KDM4C: variants seen among roughly 807,000 people sequenced by gnomAD.
KDM4C encodes the protein lysine demethylase 4C, also known as lysine-specific demethylase 4C.
In KDM4C, 81 loss-of-function variants were observed where a neutral mutation model predicts 129.3. The ratio of observed to expected loss-of-function variants is 0.63; its 90% CI spans 0.52 to 0.75. KDM4C has a LOEUF of 0.75. KDM4C is among the 30% of genes least tolerant of loss of function. KDM4C has a pLI of 0.00. For synonymous variants in KDM4C, 573 were observed against 456.1 expected (o/e 1.26, Z -3.26); for missense variants, 1,457 against 1,304.0 (o/e 1.12, Z -1.81).
intron 1 of KDM4C, among the ~76,000 whole-genome samples, chr9:6,772,927 C>G (rs575646341): frequency 6.6e-6 from 1 of 151,232 alleles, no homozygotes; most frequent in Admixed American, 6.6e-5. Context: ...AACTCTTGAC[C>G]GCAGGTGATC....
At chr9:7,132,339 C>T (rs549102256) in intron 19 of KDM4C, among the ~76,000 whole-genome samples, 9 of 152,126 alleles carry the variant, frequency 5.9e-5, no homozygotes, top group East Asian at 1.9e-4. Flanking sequence ...TTTTGGCAGG[C>T]GTTAAAAATG....
At chr9:7,055,109 C>A (rs1275557462) in intron 17 of KDM4C, among the ~76,000 whole-genome samples, 1 of 151,972 alleles carries the variant, frequency 6.6e-6, no homozygotes, top group Non-Finnish European at 1.5e-5. Flanking sequence ...ACCTGGGAGG[C>A]GGAAGTTGCA....
intron 8 of KDM4C, among the ~76,000 whole-genome samples, chr9:6,911,767 G>C (rs149258447): frequency 6.6e-6 from 1 of 152,168 alleles, no homozygotes; most frequent in East Asian, 1.9e-4. Flanking sequence ...GTTTGTGAAC[G>C]TGTGTGACCC....
Position 6,970,208 on chromosome 9 carries a change from A to T in KDM4C, c.922-10717A>T, listed in dbSNP as rs144985208. Among the ~76,000 whole-genome samples, 494 of 152,310 alleles carry T rather than the reference A, an allele frequency of 3.2e-3. 2 individuals carry two copies. The highest frequency in any genetic ancestry group is 0.011 in the African/African-American group (442 of 41,568). The stretch of plus-strand genomic sequence containing the variant: ...ATTCAGCCACATCAGTTCCAGTAAA[A>T]TTTTTTAAAAAGATTAAATAATGAG... On this transcript the variant is annotated intron_variant, in intron 8 of 21. Coordinates refer to ENST00000381309, the MANE Select transcript of KDM4C (RefSeq NM_015061.6).
intron 8 of KDM4C, among the ~76,000 whole-genome samples, chr9:6,949,048 A>C (rs991150256): frequency 2.8e-4 from 42 of 151,972 alleles, no homozygotes; most frequent in African/African-American, 9.2e-4. Context: ...CTCACTTCCC[A>C]GAAGGGGCGG....
At position 6,805,636 on chromosome 9, in the gene KDM4C, A is replaced by G. The variant is rs769698571; in HGVS notation, c.182A>G (p.Tyr61Cys). Residue 61 changes from tyrosine (Y) to cysteine (C), a missense_variant, in exon 3 of 22, where the codon TAT (tyrosine) becomes TGT (cysteine). Physicochemically the swap from Tyr to Cys is radical, Grantham distance 194 (BLOSUM62 -2). Coordinates refer to ENST00000381309, the MANE Select transcript of KDM4C (RefSeq NM_015061.6). ...AAGGAGTGGAAGCCAAGACAGTGCT[A>G]TGATGACATTGATAATTTGCTCATT... Reference protein sequence around the residue: ...PPKEWKPRQCYDDIDNLLIPA... With the variant: ...PPKEWKPRQCCDDIDNLLIPA... 4 of 1,613,974 alleles carry G rather than the reference A, an allele frequency of 2.5e-6. No homozygotes were observed. Among genetic ancestry groups the G allele is most frequent in the African/African-American group, 1.3e-5 (1 of 75,042 alleles).
At chr9:7,171,237 C>T (rs1036058625) in intron 21 of KDM4C, among the ~76,000 whole-genome samples, 6 of 151,240 alleles carry the variant, frequency 4.0e-5, no homozygotes, top group Admixed American at 2.0e-4. Context: ...TCAGAGGGGA[C>T]CCACACACCT....
At chr9:6,740,257 G>A (rs1817641960) in intron 1 of KDM4C, among the ~76,000 whole-genome samples, 1 of 151,952 alleles carries the variant, frequency 6.6e-6, no homozygotes, top group Non-Finnish European at 1.5e-5. Context: ...AGGCTGGAGT[G>A]CAGTGATGCA....
Position 6,793,035 on chromosome 9 carries a change from T to A in KDM4C, c.47T>A (p.Ile16Lys). 6.2e-7 allele frequency: 1 copy of A among 1,614,194 alleles called. No homozygotes were observed. The highest frequency in any genetic ancestry group is 8.5e-7 in the Non-Finnish European group (1 of 1,180,022). ...AGTCCTCTGAACCCCAGCTGTAAGATAATGACCTTCAGACCCTCCATGGAG... is the reference window on the plus strand; with the variant it reads ...AGTCCTCTGAACCCCAGCTGTAAGAAAATGACCTTCAGACCCTCCATGGAG... Reference protein sequence around the residue: ...VESPLNPSCKIMTFRPSMEEF... With the variant: ...VESPLNPSCKKMTFRPSMEEF... The change falls in exon 2 of 22, where the codon ATA (isoleucine) becomes AAA (lysine). Residue 16 changes from isoleucine (I) to lysine (K), a missense_variant. Coordinates refer to ENST00000381309, the MANE Select transcript of KDM4C (RefSeq NM_015061.6).
intron 3 of KDM4C, among the ~76,000 whole-genome samples, chr9:6,806,411 T>C (rs1421702032): frequency 2.0e-5 from 3 of 151,976 alleles, no homozygotes; most frequent in Non-Finnish European, 4.4e-5. Flanking sequence ...GGAGAATTGC[T>C]TGAACCTGGG....
chr9:6,814,435 T>C (rs1831710575), intron 3 of KDM4C, among the ~76,000 whole-genome samples, 196 bp from the exon 4 acceptor site: 1 of 152,208 alleles, frequency 6.6e-6, no homozygotes, highest in Admixed American at 6.5e-5. Flanking sequence ...TAAAGTAATA[T>C]TGAGTATTCA....
intron 17 of KDM4C, among the ~76,000 whole-genome samples, chr9:7,063,316 A>G (rs956187257): frequency 3.3e-5 from 5 of 152,222 alleles, no homozygotes; most frequent in Non-Finnish European, 5.9e-5. Flanking sequence ...TTTGATGTCT[A>G]ACAATTTATG....
chr9:6,759,546 T>C (rs1025337930), intron 1 of KDM4C, among the ~76,000 whole-genome samples: 2 of 152,206 alleles, frequency 1.3e-5, no homozygotes, highest in East Asian at 3.8e-4. Flanking sequence ...TTCAGTGTTA[T>C]GAAAAGTTTT....
At chr9:6,920,609 A>G (rs1414294969) in intron 8 of KDM4C, among the ~76,000 whole-genome samples, 1 of 152,164 alleles carries the variant, frequency 6.6e-6, no homozygotes, top group East Asian at 1.9e-4. Flanking sequence ...TCATCCTGAC[A>G]AAATAGGTTA....
intron 6 of KDM4C, among the ~76,000 whole-genome samples, chr9:6,885,530 T>G (rs943634253): frequency 1.1e-4 from 17 of 152,074 alleles, no homozygotes. Flanking sequence ...TATCCTAGCC[T>G]TCCATCCCTC....
At chr9:6,967,440 A>G (rs1831191992) in intron 8 of KDM4C, among the ~76,000 whole-genome samples, 1 of 150,474 alleles carries the variant, frequency 6.6e-6, no homozygotes, top group African/African-American at 2.5e-5. Context: ...AAAAAAAAAA[A>G]ATTGTACAGA....
intron 13 of KDM4C, among the ~76,000 whole-genome samples, chr9:7,013,017 A>G (rs1822978601): frequency 6.6e-6 from 1 of 152,150 alleles, no homozygotes; most frequent in Admixed American, 6.5e-5. Context: ...GGTGAGTGAC[A>G]AACATTATTT....
chr9:7,065,891 A>T (rs1221478047), intron 17 of KDM4C, among the ~76,000 whole-genome samples: 2 of 152,114 alleles, frequency 1.3e-5, no homozygotes, highest in African/African-American at 2.4e-5. Context: ...GAAAAAGCAA[A>T]AGACAAAAAA....
chr9:6,740,620 G>T (rs770385209), intron 1 of KDM4C, among the ~76,000 whole-genome samples: 33 of 152,176 alleles, frequency 2.2e-4, no homozygotes, highest in Non-Finnish European at 4.6e-4. Context: ...CTGGGTTCAA[G>T]CGATTCTCCT....
Sources: allele counts gnomAD v4.1 joint callset (sites outside exome capture counted in the v4.1 genomes callset), GRCh38; gene constraint gnomAD v4.1.1; transcripts MANE v1.5; gene names NCBI Gene and HGNC (gene_info 2026-07-23, HGNC 2026-07-21).